The following NOPCHAP1 variants were observed in gnomAD, a reference collection of about 807,000 sequenced individuals.
NOPCHAP1 encodes NOP protein chaperone 1.
In NOPCHAP1, 13 loss-of-function variants were observed where a neutral mutation model predicts 14.0. That is an observed-to-expected ratio of 0.93 (90% CI 0.60 to 1.47). The LOEUF is 1.47. NOPCHAP1 is among the 40% of genes most tolerant of loss of function. NOPCHAP1 has a pLI of 0.00. For missense variants in NOPCHAP1, 230 were observed against 226.9 expected (o/e 1.01, Z -0.09); for synonymous variants, 78 against 78.4 (o/e 1.00, Z 0.03).
rs1004672936 is a variant in NOPCHAP1, at chr12:105,008,391, T to C, written c.*13695T>C. On this transcript the variant is annotated 3_prime_UTR_variant, in exon 4 of 4. Transcript: ENST00000552951. Reference sequence around the variant, plus strand: ...GTAGATTATGGATATTAGCTCTTTGTCAGATGGATACATTGCAAAAACTTT... The same window carrying C: ...GTAGATTATGGATATTAGCTCTTTGCCAGATGGATACATTGCAAAAACTTT... 6 of 152,250 alleles carry C rather than the reference T, an allele frequency of 3.9e-5. No individual in the cohort carries two copies. The highest frequency in any genetic ancestry group is 1.4e-4 in the African/African-American group (6 of 41,470). The allele number at this position is 152,250 out of a possible 1,614,324, so 9.4% of individuals were successfully genotyped here. A position where few individuals can be genotyped will look rare whatever the true frequency, so the allele number is the denominator to read the frequency against.
chr12:104,994,789 C>T lies in NOPCHAP1; in HGVS notation c.*93C>T. The T allele has an allele frequency of 8.9e-7, 1 of 1,126,714 alleles. No individual in the cohort carries two copies. Among genetic ancestry groups the T allele is most frequent in the East Asian group, 2.4e-5 (1 of 42,250 alleles). 69.8% of individuals were successfully genotyped at this position (1,126,714 alleles called of 1,614,324 possible). A position where few individuals can be genotyped will look rare whatever the true frequency, so the allele number is the denominator to read the frequency against. ...CACGGGTTCTTTTGCTTTTCAGGCACCTATGGTGCTTTTATATGTTAAAAA... is the reference window on the plus strand; with the variant it reads ...CACGGGTTCTTTTGCTTTTCAGGCATCTATGGTGCTTTTATATGTTAAAAA... On this transcript the variant is annotated 3_prime_UTR_variant, in exon 4 of 4. Coordinates refer to ENST00000552951, the MANE Select transcript of NOPCHAP1 (RefSeq NM_152318.3).
rs1370548405 is a variant in NOPCHAP1, at chr12:105,010,302, C to T, written c.*15606C>T. 1 of 151,944 alleles carries T rather than the reference C, an allele frequency of 6.6e-6. No individual in the cohort carries two copies. Among genetic ancestry groups the T allele is most frequent in the Admixed American group, 6.6e-5 (1 of 15,258 alleles). The allele number at this position is 151,944 out of a possible 1,614,324, so 9.4% of individuals were successfully genotyped here. ...TATTCTCTGATGGTGGTTTGTATTT[C>T]TGTGGGATCAGTGATGATATCCCCT... On this transcript the variant is annotated 3_prime_UTR_variant, in exon 4 of 4. Transcript: ENST00000552951.
Position 104,995,943 on chromosome 12 carries a change from C to G in NOPCHAP1, c.*1247C>G, listed in dbSNP as rs1371554381. The G allele has an allele frequency of 6.6e-6, 1 of 152,046 alleles. No individual in the cohort carries two copies. The highest frequency in any genetic ancestry group is 1.5e-5 in the Non-Finnish European group (1 of 68,058). The allele number at this position is 152,046 out of a possible 1,614,324, so 9.4% of individuals were successfully genotyped here. A position where few individuals can be genotyped will look rare whatever the true frequency, so the allele number is the denominator to read the frequency against. ...GACCTCGTGTTCCACCCTTCTTGACCTGCCAAAGTGTTGGGATTACAGGCA... is the reference window on the plus strand; with the variant it reads ...GACCTCGTGTTCCACCCTTCTTGACGTGCCAAAGTGTTGGGATTACAGGCA... On this transcript the variant is annotated 3_prime_UTR_variant, in exon 4 of 4. Transcript: ENST00000552951.
In NOPCHAP1 at chr12:105,010,281, C is replaced by A. The variant is rs1037010300; in HGVS notation, c.*15585C>A. The stretch of plus-strand genomic sequence containing the variant: ...TTTGTATAGAGTTGTTTATAGTATT[C>A]TCTGATGGTGGTTTGTATTTCTGTG... On this transcript the variant is annotated 3_prime_UTR_variant, in exon 4 of 4. Coordinates refer to ENST00000552951, the MANE Select transcript of NOPCHAP1 (RefSeq NM_152318.3). 23 of 151,620 alleles carry A rather than the reference C, an allele frequency of 1.5e-4. No homozygotes were observed. Among genetic ancestry groups the A allele is most frequent in the African/African-American group, 5.3e-4 (22 of 41,314 alleles). 9.4% of individuals were successfully genotyped at this position (151,620 alleles called of 1,614,324 possible).
rs1259895564 is a variant in NOPCHAP1 at position 104,986,347 on chromosome 12, G to A, written c.-6G>A. On this transcript the variant is annotated 5_prime_UTR_variant, in exon 1 of 4. Transcript: ENST00000552951. ...CCGGGCCTGAGAGTGCAGGCTTGAGGGAAGCATGGAGGTCCATGGCAAGCC... is the reference window on the plus strand; with the variant it reads ...CCGGGCCTGAGAGTGCAGGCTTGAGAGAAGCATGGAGGTCCATGGCAAGCC... 5 of 1,604,658 alleles carry A rather than the reference G, an allele frequency of 3.1e-6. No individual in the cohort carries two copies. The highest frequency in any genetic ancestry group is 3.4e-5 in the Admixed American group (2 of 58,848).
chr12:104,989,562 C>T (rs1300647664), intron 2 of NOPCHAP1, among the ~76,000 whole-genome samples: 1 of 152,150 alleles, frequency 6.6e-6, no homozygotes, highest in African/African-American at 2.4e-5. Context: ...AGATTCCCTT[C>T]ATTACTGGTT....
chr12:104,991,439 C>A (rs1314502799), intron 2 of NOPCHAP1, among the ~76,000 whole-genome samples: 2 of 152,164 alleles, frequency 1.3e-5, no homozygotes, highest in Non-Finnish European at 2.9e-5. Context: ...CACTGCCTCC[C>A]TATTTAGTTA....
rs971435924 is a variant in NOPCHAP1, at chr12:105,003,865, G to A, written c.*9169G>A. 2 of 152,192 alleles carry A rather than the reference G, an allele frequency of 1.3e-5. No individual in the cohort carries two copies. Among genetic ancestry groups the A allele is most frequent in the East Asian group, 3.8e-4 (2 of 5,202 alleles). 9.4% of individuals were successfully genotyped at this position (152,192 alleles called of 1,614,324 possible). A position where few individuals can be genotyped will look rare whatever the true frequency, so the allele number is the denominator to read the frequency against. On this transcript the variant is annotated 3_prime_UTR_variant, in exon 4 of 4. Transcript: ENST00000552951. ...CATTTGCCCTATTTGTGCATGGTTT[G>A]ATAACTTGACTGCCTATGACTGGCT...
chr12:104,999,021 G>C lies in NOPCHAP1; in HGVS notation c.*4325G>C, dbSNP rs1213308759. 6.5e-6 allele frequency: 1 copy of C among 152,798 alleles called. No individual in the cohort carries two copies. The highest frequency in any genetic ancestry group is 1.5e-5 in the Non-Finnish European group (1 of 68,490). 9.5% of individuals were successfully genotyped at this position (152,798 alleles called of 1,614,324 possible). Reference sequence around the variant, plus strand: ...GCAGGTCCACTGGTCACTGTGCCTAGTTTTGCAGCTGGTGGCAGTGTTGGT... The same window carrying C: ...GCAGGTCCACTGGTCACTGTGCCTACTTTTGCAGCTGGTGGCAGTGTTGGT... On this transcript the variant is annotated 3_prime_UTR_variant, in exon 4 of 4. Coordinates refer to ENST00000552951, the MANE Select transcript of NOPCHAP1 (RefSeq NM_152318.3).
rs1010302997 is a variant in NOPCHAP1, at chr12:105,000,447, G to A, written c.*5751G>A. The A allele has an allele frequency of 7.2e-5, 11 of 152,274 alleles. No homozygotes were observed. The East Asian group carries it at 1.9e-3, about 27-fold the overall frequency. 9.4% of individuals were successfully genotyped at this position (152,274 alleles called of 1,614,324 possible). On this transcript the variant is annotated 3_prime_UTR_variant, in exon 4 of 4. Coordinates refer to ENST00000552951, the MANE Select transcript of NOPCHAP1 (RefSeq NM_152318.3). ...TGCTCTGTTTTTTCTGCTAGAGCAT[G>A]AGCCTTACCTAAAGCCATTGCAAAT...
rs150616783 is a variant in NOPCHAP1 at position 105,008,607 on chromosome 12, T to C, written c.*13911T>C. 51 of 152,374 alleles carry C rather than the reference T, an allele frequency of 3.3e-4. No individual in the cohort carries two copies. Among genetic ancestry groups the C allele is most frequent in the African/African-American group, 1.2e-3 (48 of 41,598 alleles). 9.4% of individuals were successfully genotyped at this position (152,374 alleles called of 1,614,324 possible). ...CCTAGGTTTTCTTCTAGGGTTTTTATGGTTTTAGATCTTACATTTAAGTCT... is the reference window on the plus strand; with the variant it reads ...CCTAGGTTTTCTTCTAGGGTTTTTACGGTTTTAGATCTTACATTTAAGTCT... On this transcript the variant is annotated 3_prime_UTR_variant, in exon 4 of 4. Coordinates refer to ENST00000552951, the MANE Select transcript of NOPCHAP1 (RefSeq NM_152318.3).
rs562836619 is a variant in NOPCHAP1 at position 105,012,195 on chromosome 12, T to A, written c.*17499T>A. The A allele has an allele frequency of 6.6e-6, 1 of 152,204 alleles. No individual in the cohort carries two copies. Among genetic ancestry groups the A allele is most frequent in the Admixed American group, 6.5e-5 (1 of 15,282 alleles). 9.4% of individuals were successfully genotyped at this position (152,204 alleles called of 1,614,324 possible). A position where few individuals can be genotyped will look rare whatever the true frequency, so the allele number is the denominator to read the frequency against. On this transcript the variant is annotated 3_prime_UTR_variant, in exon 4 of 4. Coordinates refer to ENST00000552951, the MANE Select transcript of NOPCHAP1 (RefSeq NM_152318.3). ...TTGGACGCTTTGTTCCTTTTCATTC[T>A]TTTTTCTCTAATCTGTCTTCACGCT...
chr12:105,015,994 T>G lies in NOPCHAP1; in HGVS notation c.*21298T>G, dbSNP rs1873937426. ...TAAAATAGTCAAGAAAGGTTTTTTT[T>G]TTTTTTTTTAAAAAGCATAACATCA... On this transcript the variant is annotated 3_prime_UTR_variant, in exon 4 of 4. Transcript: ENST00000552951. 1 of 143,326 alleles carries G rather than the reference T, an allele frequency of 7.0e-6. No homozygotes were observed. Among genetic ancestry groups the G allele is most frequent in the South Asian group, 2.2e-4 (1 of 4,614 alleles). The allele number at this position is 143,326 out of a possible 1,614,324, so 8.9% of individuals were successfully genotyped here. A position where few individuals can be genotyped will look rare whatever the true frequency, so the allele number is the denominator to read the frequency against.
At chr12:104,994,195 A>G (rs1873443306) in intron 3 of NOPCHAP1, among the ~76,000 whole-genome samples, 1 of 152,126 alleles carries the variant, frequency 6.6e-6, no homozygotes, top group Admixed American at 6.5e-5. Context: ...AAATACAAAA[A>G]TTAGCTGGAT....
rs114654054 is a variant in NOPCHAP1 at position 104,999,086 on chromosome 12, C to T, written c.*4390C>T. ...CTGGTGGTCTCCGTACCTGCAGATA[C>T]TCCAGTGGCAGTGGCAGCATGGTGG... On this transcript the variant is annotated 3_prime_UTR_variant, in exon 4 of 4. Coordinates refer to ENST00000552951, the MANE Select transcript of NOPCHAP1 (RefSeq NM_152318.3). The T allele has an allele frequency of 0.019, 2,828 of 152,694 alleles. 36 individuals are homozygous for T. The highest frequency in any genetic ancestry group is 0.039 in the African/African-American group (1,624 of 41,506). The allele number at this position is 152,694 out of a possible 1,614,324, so 9.5% of individuals were successfully genotyped here. A position where few individuals can be genotyped will look rare whatever the true frequency, so the allele number is the denominator to read the frequency against.
Position 105,013,530 on chromosome 12 carries a change from A to C in NOPCHAP1, c.*18834A>C, listed in dbSNP as rs1390509992. On this transcript the variant is annotated 3_prime_UTR_variant, in exon 4 of 4. Transcript: ENST00000552951. ...TGTTCCAGGCACCACTGGGGTATGA[A>C]GAAAAACTCCTGCAGCTAGCTCGGT... 6.5e-6 allele frequency: 1 copy of C among 153,842 alleles called. No homozygotes were observed. Among genetic ancestry groups the C allele is most frequent in the Non-Finnish European group, 1.4e-5 (1 of 69,512 alleles). 9.5% of individuals were successfully genotyped at this position (153,842 alleles called of 1,614,324 possible).
intron 2 of NOPCHAP1, among the ~76,000 whole-genome samples, chr12:104,990,343 C>A (rs140933243): frequency 6.6e-6 from 1 of 152,106 alleles, no homozygotes; most frequent in South Asian, 2.1e-4. Context: ...AAAGCAGTAC[C>A]AGATTTTCTA....
intron 2 of NOPCHAP1, among the ~76,000 whole-genome samples, chr12:104,989,823 T>G (rs1873332928): frequency 1.3e-5 from 2 of 152,244 alleles, no homozygotes; most frequent in South Asian, 4.1e-4. Context: ...TGTTTCAATT[T>G]GGATAGCTTC....
At position 105,007,365 on chromosome 12, in the gene NOPCHAP1, T is replaced by A. The variant is rs1353054196; in HGVS notation, c.*12669T>A. On this transcript the variant is annotated 3_prime_UTR_variant, in exon 4 of 4. Transcript: ENST00000552951. ...TCTTGAAATGGTGGGCAACTACAGA[T>A]GCAGACCTCAGTCTATGGTACACAT... The A allele has an allele frequency of 6.6e-6, 1 of 152,242 alleles. No individual in the cohort carries two copies. The highest frequency in any genetic ancestry group is 1.5e-5 in the Non-Finnish European group (1 of 68,038). 9.4% of individuals were successfully genotyped at this position (152,242 alleles called of 1,614,324 possible).
Sources: allele counts gnomAD v4.1 joint callset (sites outside exome capture counted in the v4.1 genomes callset), GRCh38; gene constraint gnomAD v4.1.1; transcripts MANE v1.5; gene names NCBI Gene and HGNC (gene_info 2026-07-23, HGNC 2026-07-21).